SLC8A3: variants seen among roughly 807,000 people sequenced by gnomAD.
The protein encoded by SLC8A3 is solute carrier family 8 member A3.
SLC8A3 carries 37 observed loss-of-function variants against 65.4 expected under a neutral mutation model. The ratio of observed to expected loss-of-function variants is 0.57; its 90% CI spans 0.44 to 0.74. The LOEUF (loss-of-function observed/expected upper bound fraction) is 0.74. Among genes scored for constraint, SLC8A3 ranks in the 30% least tolerant of loss-of-function variants. SLC8A3 has a pLI of 0.00. For missense variants in SLC8A3, 1,112 were observed against 1,172.1 expected, an observed-to-expected ratio of 0.95 and a Z score of 0.75; for synonymous variants, 461 against 444.5, an observed-to-expected ratio of 1.04 and a Z score of -0.47.
intron 2 of SLC8A3, among the ~76,000 whole-genome samples, chr14:70,131,503 A>T (rs1183380061): frequency 6.6e-6 from 1 of 152,222 alleles, no homozygotes; most frequent in African/African-American, 2.4e-5. Context: ...GGTGTTCTCA[A>T]ATGGAGCTGG....
chr14:70,110,062 T>C (rs1004317920), intron 2 of SLC8A3, among the ~76,000 whole-genome samples: 3 of 152,170 alleles, frequency 2.0e-5, no homozygotes, highest in Middle Eastern at 3.2e-3. Flanking sequence ...TTTTAATTTT[T>C]GTGGGTATGT....
At chr14:70,175,726 C>CT (rs35935551) in intron 1 of SLC8A3, among the ~76,000 whole-genome samples, 2 of 143,366 alleles carry the variant, frequency 1.4e-5, no homozygotes, top group Admixed American at 7.0e-5. Context: ...TATAGGGAAG[C>CT]TTTTTTTTTT....
chr14:70,049,666 T>G (rs1887248325), intron 5 of SLC8A3, among the ~76,000 whole-genome samples: 1 of 152,020 alleles, frequency 6.6e-6, no homozygotes, highest in African/African-American at 2.4e-5. Context: ...ACAGGCTGCA[T>G]TTTGTTGTCT....
intron 2 of SLC8A3, among the ~76,000 whole-genome samples, chr14:70,101,799 C>T (rs1396575696): frequency 1.3e-5 from 2 of 152,212 alleles, no homozygotes; most frequent in African/African-American, 4.8e-5. Flanking sequence ...GAAGCAATTA[C>T]TACACAATTG....
At chr14:70,123,170 G>A (rs529895703) in intron 2 of SLC8A3, among the ~76,000 whole-genome samples, 12 of 151,238 alleles carry the variant, frequency 7.9e-5, no homozygotes, top group Admixed American at 1.3e-4. Context: ...GCTTGAACCC[G>A]GGAGGTGGAG....
At chr14:70,174,651 GTTTTTTTTT>G (rs1286502376) in intron 1 of SLC8A3, among the ~76,000 whole-genome samples, 1 of 90,364 alleles carries the variant, frequency 1.1e-5, no homozygotes, top group Non-Finnish European at 2.1e-5. Flanking sequence ...GACCAAATCC[GTTTTTTTTT>G]TGTTTTTTTT....
intron 2 of SLC8A3, among the ~76,000 whole-genome samples, chr14:70,091,285 G>C (rs376552333): frequency 1.2e-4 from 19 of 152,290 alleles, no homozygotes; most frequent in African/African-American, 4.6e-4. Context: ...ACACAAAATA[G>C]CTCCTTTTTT....
chr14:70,056,172 T>TA (rs1270964780), intron 3 of SLC8A3, among the ~76,000 whole-genome samples: 1 of 152,048 alleles, frequency 6.6e-6, no homozygotes, highest in Non-Finnish European at 1.5e-5. Flanking sequence ...ATCCATTCTG[T>TA]AAAAAAAGGA....
intron 2 of SLC8A3, among the ~76,000 whole-genome samples, chr14:70,161,335 A>G (rs1436389935): frequency 2.7e-5 from 4 of 148,224 alleles, no homozygotes; most frequent in East Asian, 2.0e-4. Flanking sequence ...ATAGCCTTCA[A>G]TTATTCCTTT....
upstream of SLC8A3, among the ~76,000 whole-genome samples, chr14:70,189,254 C>G (rs999779003): frequency 1.3e-5 from 2 of 152,072 alleles, no homozygotes; most frequent in Admixed American, 1.3e-4. Flanking sequence ...GTCGTTGGAG[C>G]CTGGCGCCCG....
At chr14:70,126,449 C>T (rs1213567488) in intron 2 of SLC8A3, among the ~76,000 whole-genome samples, 1 of 151,864 alleles carries the variant, frequency 6.6e-6, no homozygotes, top group East Asian at 1.9e-4. Context: ...TAATGAATTC[C>T]TTTATTTGCT....
At position 70,064,348 on chromosome 14, in the gene SLC8A3, G is replaced by T. The variant is rs112695776; in HGVS notation, c.1785-3409C>A. Among the ~76,000 whole-genome samples the T allele has an allele frequency of 5.6e-4, 85 of 152,268 alleles. 1 individual carries two copies. The highest frequency in any genetic ancestry group is 1.9e-3 in the African/African-American group (78 of 41,552). ...CGGCCACTAAGGTCCTCCCATGTTT[G>T]CTTCCTTATCAGTCTTGCTTTTGAG... is the stretch of plus-strand genomic sequence containing the variant. On this transcript the variant is annotated intron_variant, in intron 2 of 6. Coordinates refer to ENST00000356921, the MANE Select transcript of SLC8A3 (RefSeq NM_182932.3).
At chr14:70,122,221 CT>C (rs1291237157) in intron 2 of SLC8A3, among the ~76,000 whole-genome samples, 1 of 152,212 alleles carries the variant, frequency 6.6e-6, no homozygotes, top group African/African-American at 2.4e-5. Context: ...TCGTTTATTG[CT>C]CCCACTCCCA....
intron 2 of SLC8A3, among the ~76,000 whole-genome samples, chr14:70,115,305 G>C (rs1161551769): frequency 2.0e-5 from 3 of 152,140 alleles, no homozygotes; most frequent in Non-Finnish European, 4.4e-5. Context: ...TTTGAGGAAG[G>C]AGCCCCCTTC....
intron 2 of SLC8A3, among the ~76,000 whole-genome samples, chr14:70,147,106 G>C (rs762702295): frequency 6.6e-6 from 1 of 152,166 alleles, no homozygotes. Flanking sequence ...ATAATGAGGC[G>C]TGACTATTTG....
chr14:70,115,002 C>T (rs1366819084), intron 2 of SLC8A3, among the ~76,000 whole-genome samples: 1 of 151,962 alleles, frequency 6.6e-6, no homozygotes, highest in African/African-American at 2.4e-5. Flanking sequence ...TCAGGAGACA[C>T]GACCAATAAT....
At chr14:70,186,635 AAGG>A (rs1449466780) in intron 1 of SLC8A3, among the ~76,000 whole-genome samples, 1 of 152,176 alleles carries the variant, frequency 6.6e-6, no homozygotes, top group African/African-American at 2.4e-5. Flanking sequence ...TTTAAAGAAA[AAGG>A]AGGCTACAAA....
rs1177335454 is a variant in SLC8A3, at chr14:70,044,336, T to TA, written c.*1610dup. The TA allele has an allele frequency of 2.0e-5, 3 of 151,950 alleles. No homozygotes were observed. The highest frequency in any genetic ancestry group is 2.9e-5 in the Non-Finnish European group (2 of 68,012). The allele number at this position is 151,950 out of a possible 1,614,324, so 9.4% of individuals were successfully genotyped here. ...GTTTCTTTTTTAATTATTTTTTTCT[T>TA]AAAAAATGTGTTTAAAATTAACAGG... On this transcript the variant is annotated 3_prime_UTR_variant, in exon 7 of 7. Transcript: ENST00000356921.
At chr14:70,180,827 G>A (rs1254279697) in intron 1 of SLC8A3, among the ~76,000 whole-genome samples, 1 of 152,190 alleles carries the variant, frequency 6.6e-6, no homozygotes, top group Non-Finnish European at 1.5e-5. Context: ...ACTGGTGGCT[G>A]CACATTGAGG....
Sources: allele counts gnomAD v4.1 joint callset (sites outside exome capture counted in the v4.1 genomes callset), GRCh38; gene constraint gnomAD v4.1.1; transcripts MANE v1.5; gene names NCBI Gene and HGNC (gene_info 2026-07-23, HGNC 2026-07-21).